Variants in PRTG observed in about 807,000 individuals in gnomAD.
PRTG encodes the protein protogenin.
A neutral mutation model predicts 122.5 loss-of-function variants in PRTG; 67 were observed. The observed-to-expected ratio is 0.55, with a 90% CI of 0.45 to 0.67. The LOEUF (loss-of-function observed/expected upper bound fraction) is 0.67, where lower values mean the gene tolerates loss of function less well. Ranked by LOEUF, PRTG falls within the 30% of genes least tolerant of loss-of-function variation. The pLI is 0.00. For missense variants in PRTG, 1,435 were observed against 1,415.4 expected (o/e 1.01, Z -0.22); for synonymous variants, 554 against 501.1 (o/e 1.11, Z -1.41).
chr15:55,639,232 C>T (rs751485024), intron 13 of PRTG, among the ~76,000 whole-genome samples: 3 of 152,260 alleles, frequency 2.0e-5, no homozygotes, highest in East Asian at 1.9e-4. Flanking sequence ...CCTCAGCCCC[C>T]CCAAAATCAT....
At chr15:55,666,553 C>T (rs564256585) in intron 11 of PRTG, among the ~76,000 whole-genome samples, 258 of 152,308 alleles carry the variant, frequency 1.7e-3, no homozygotes, top group Admixed American at 2.7e-3. Context: ...CCCAAACCTA[C>T]TGAATATTAG....
At chr15:55,646,854 T>C (rs2059327170) in intron 11 of PRTG, among the ~76,000 whole-genome samples, 1 of 152,160 alleles carries the variant, frequency 6.6e-6, no homozygotes, top group Non-Finnish European at 1.5e-5. Context: ...GGAGTCACCC[T>C]TTGGCCCAAA....
intron 19 of PRTG, 71 bp from the exon 20 acceptor site, chr15:55,620,337 T>TC: frequency 6.4e-7 from 1 of 1,571,866 alleles, no homozygotes; most frequent in South Asian, 1.2e-5. Flanking sequence ...GCTCATCAGG[T>TC]CCCCACAGAC....
Position 55,620,064 on chromosome 15 carries a change from T to G in PRTG, c.3401A>C (p.Asn1134Thr). The part of the protein sequence containing the change: ...GDSGRFSHES[N>T]DEIHLSSVIS... ...AACTGAGGACAGATGTATCTCATCG[T>G]TGGACTCATGAGAAAACCGCCCAGA... The change falls in exon 20 of 20, where the codon AAC (asparagine) becomes ACC (threonine). Residue 1134 changes from asparagine to threonine, a missense_variant. Asn to Thr is a moderately conservative substitution (Grantham distance 65). Coordinates refer to ENST00000389286, the MANE Select transcript of PRTG (RefSeq NM_173814.6). 1 of 1,614,154 alleles carries G rather than the reference T, an allele frequency of 6.2e-7. No homozygotes were observed. The highest frequency in any genetic ancestry group is 1.1e-5 in the South Asian group (1 of 91,078).
intron 14 of PRTG, 27 bp from the exon 15 acceptor site, chr15:55,637,367 T>C (rs375011041): frequency 9.7e-6 from 15 of 1,547,036 alleles, no homozygotes; most frequent in African/African-American, 1.4e-5. Context: ...AAACATTGTA[T>C]TAATATAGTA....
At position 55,673,455 on chromosome 15, in the gene PRTG, G is replaced by A. The variant is rs1424013308; in HGVS notation, c.1768C>T (p.Arg590Trp). The A allele has an allele frequency of 1.1e-5, 17 of 1,613,972 alleles. No homozygotes were observed. Among genetic ancestry groups the A allele is most frequent in the African/African-American group, 1.3e-5 (1 of 74,910 alleles). Residue 590 changes from arginine to tryptophan, a missense_variant, in exon 10 of 20, where the codon CGG (arginine) becomes TGG (tryptophan). Physicochemically the swap from Arg to Trp is moderately radical, Grantham distance 101. Coordinates refer to ENST00000389286, the MANE Select transcript of PRTG (RefSeq NM_173814.6). ...CCCACTCTGGTGGCAGCAGTAATCC[G>A]AACCAGGTAGACACTGTCAGGTTTC... ...GLKPDSVYLV[R>W]ITAATRVGLG...
At chr15:55,707,848 A>T (rs1422742418) in intron 2 of PRTG, among the ~76,000 whole-genome samples, 1 of 152,168 alleles carries the variant, frequency 6.6e-6, no homozygotes, top group African/African-American at 2.4e-5. Flanking sequence ...TTCAGGACCA[A>T]CTGTAAAGCT....
intron 15 of PRTG, among the ~76,000 whole-genome samples, chr15:55,635,083 G>C (rs1317261005): frequency 1.3e-5 from 2 of 150,828 alleles, no homozygotes; most frequent in African/African-American, 4.9e-5. Flanking sequence ...GGGTGTGTGT[G>C]TGTGTGTGTG....
At chr15:55,682,050 GTGAA>G (rs1301651373) in intron 4 of PRTG, among the ~76,000 whole-genome samples, 4 of 152,074 alleles carry the variant, frequency 2.6e-5, no homozygotes, top group Admixed American at 6.6e-5. Context: ...GTGTGCATAG[GTGAA>G]TGAAAATAAC....
At chr15:55,683,960 A>G (rs780899654) in intron 2 of PRTG, 29 bp from the exon 3 acceptor site, 4 of 1,593,732 alleles carry the variant, frequency 2.5e-6, no homozygotes, top group Non-Finnish European at 3.4e-6. Flanking sequence ...GAAATTCAGA[A>G]TAAGTGCATG....
chr15:55,634,833 G>A (rs897892518), intron 15 of PRTG, among the ~76,000 whole-genome samples: 1 of 150,982 alleles, frequency 6.6e-6, no homozygotes, highest in Non-Finnish European at 1.5e-5. Flanking sequence ...GCGAGACTCC[G>A]TCTCCAAAAA....
chr15:55,685,793 G>C (rs185538953), intron 2 of PRTG, among the ~76,000 whole-genome samples: 14 of 152,182 alleles, frequency 9.2e-5, no homozygotes, highest in Non-Finnish European at 1.3e-4. Context: ...AGAGTATAAA[G>C]AGTGAGACTC....
intron 2 of PRTG, among the ~76,000 whole-genome samples, chr15:55,726,436 C>T (rs1357168991): frequency 6.6e-6 from 1 of 151,952 alleles, no homozygotes; most frequent in Non-Finnish European, 1.5e-5. Context: ...GTATTCCATG[C>T]AAATGGTAAG....
intron 2 of PRTG, among the ~76,000 whole-genome samples, chr15:55,725,389 T>C (rs2030988923): frequency 2.0e-5 from 3 of 151,942 alleles, no homozygotes; most frequent in East Asian, 1.9e-4. Flanking sequence ...CAAAAAAAGG[T>C]ATAAGGTAAG....
chr15:55,710,766 T>C (rs915934528), intron 2 of PRTG, among the ~76,000 whole-genome samples: 2 of 152,132 alleles, frequency 1.3e-5, no homozygotes, highest in Non-Finnish European at 2.9e-5. Flanking sequence ...ATAATTAAAA[T>C]TATCAGTAAA....
In PRTG at chr15:55,616,803, C is replaced by T. The variant is rs2059143790; in HGVS notation, c.*3209G>A. On this transcript the variant is annotated 3_prime_UTR_variant, in exon 20 of 20. Coordinates refer to ENST00000389286, the MANE Select transcript of PRTG (RefSeq NM_173814.6). Reference sequence around the variant, plus strand: ...ATTGTATTGCTTTTAATTATGTAAACTTAGCCCTTTGATATTTTTTGCTAC... The same window carrying T: ...ATTGTATTGCTTTTAATTATGTAAATTTAGCCCTTTGATATTTTTTGCTAC... 6.6e-6 allele frequency: 1 copy of T among 152,022 alleles called. No individual in the cohort carries two copies. Among genetic ancestry groups the T allele is most frequent in the South Asian group, 2.1e-4 (1 of 4,826 alleles). 9.4% of individuals were successfully genotyped at this position (152,022 alleles called of 1,614,324 possible).
At chr15:55,639,515 A>C in intron 13 of PRTG, 127 bp downstream of exon 13, 1 of 699,206 alleles carries the variant, frequency 1.4e-6, no homozygotes, top group Non-Finnish European at 2.4e-6. Context: ...TTCATAAATA[A>C]CTTAAGTCCT....
chr15:55,685,175 T>C (rs1296091632), intron 2 of PRTG, among the ~76,000 whole-genome samples: 1 of 152,072 alleles, frequency 6.6e-6, no homozygotes, highest in African/African-American at 2.4e-5. Context: ...TGAAGAAGAA[T>C]AGAGGTAATA....
chr15:55,624,483 T>G lies in PRTG; in HGVS notation c.2952A>C (p.Ala984=). ...KARKSSASKT[A]QNGTQQLPRT... ...GAGGTAACTGTTGAGTTCCATTCTGTGCCGTCTTGGAAGCAGATGATTTCC... is the reference window on the plus strand; with the variant it reads ...GAGGTAACTGTTGAGTTCCATTCTGGGCCGTCTTGGAAGCAGATGATTTCC... Residue 984 remains alanine (A), a synonymous_variant, in exon 18 of 20, where the codon GCA becomes GCC. Coordinates refer to ENST00000389286, the MANE Select transcript of PRTG (RefSeq NM_173814.6). 6.2e-7 allele frequency: 1 copy of G among 1,612,626 alleles called. No individual in the cohort carries two copies. Among genetic ancestry groups the G allele is most frequent in the Non-Finnish European group, 8.5e-7 (1 of 1,179,350 alleles).
Sources: gnomAD v4.1 joint callset for allele counts (sites outside exome capture counted in the v4.1 genomes callset) on GRCh38, gnomAD v4.1.1 for gene constraint, MANE v1.5 for transcripts, NCBI Gene and HGNC (gene_info 2026-07-23, HGNC 2026-07-21) for gene names.